RALGAPA1: variants seen among roughly 807,000 people sequenced by gnomAD.
The protein encoded by RALGAPA1 is ral GTPase-activating protein subunit alpha-1.
In RALGAPA1, 52 loss-of-function variants were observed where a neutral mutation model predicts 269.6. The ratio of observed to expected loss-of-function variants is 0.19; its 90% CI spans 0.15 to 0.24. The LOEUF (loss-of-function observed/expected upper bound fraction) is 0.24. Ranked by LOEUF, RALGAPA1 falls within the 10% of genes least tolerant of loss-of-function variation. The pLI is 1.00. For synonymous variants in RALGAPA1, 817 were observed against 1,008.3 expected (o/e 0.81, Z 3.60); for missense variants, 1,917 against 3,013.9 (o/e 0.64, Z 8.52).
intron 30 of RALGAPA1, among the ~76,000 whole-genome samples, chr14:35,653,765 A>C (rs2062997587): frequency 1.3e-5 from 2 of 152,188 alleles, no homozygotes; most frequent in South Asian, 4.1e-4. Flanking sequence ...AGAAAGAAAT[A>C]ATGAAGGAAT....
intron 31 of RALGAPA1, among the ~76,000 whole-genome samples, chr14:35,648,465 CAAAAAAA>C: frequency 8.2e-6 from 1 of 122,398 alleles, no homozygotes; most frequent in East Asian, 2.3e-4. Context: ...AACTCCATCT[CAAAAAAA>C]AAAAAAAGAA....
chr14:35,543,441 A>G (rs2054189581), intron 41 of RALGAPA1, among the ~76,000 whole-genome samples: 1 of 152,216 alleles, frequency 6.6e-6, no homozygotes, highest in Admixed American at 6.5e-5. Context: ...AAATGTGAAA[A>G]GCACAACATA....
chr14:35,754,556 T>C (rs911307462), intron 7 of RALGAPA1, among the ~76,000 whole-genome samples: 5 of 152,174 alleles, frequency 3.3e-5, no homozygotes, highest in African/African-American at 1.2e-4. Flanking sequence ...AAATTACAAA[T>C]TGACCGTACC....
intron 16 of RALGAPA1, among the ~76,000 whole-genome samples, chr14:35,710,334 TCA>T (rs2068203568): frequency 6.6e-6 from 1 of 152,226 alleles, no homozygotes; most frequent in Non-Finnish European, 1.5e-5. Flanking sequence ...CGATCTCAGC[TCA>T]CTGCAACCTC....
intron 1 of RALGAPA1, among the ~76,000 whole-genome samples, chr14:35,799,897 T>A (rs1309919985): frequency 6.6e-6 from 1 of 152,126 alleles, no homozygotes; most frequent in Non-Finnish European, 1.5e-5. Context: ...AAGATGGGAA[T>A]ATATATATAT....
At chr14:35,601,657 G>A (rs2059296417) in intron 36 of RALGAPA1, among the ~76,000 whole-genome samples, 1 of 151,994 alleles carries the variant, frequency 6.6e-6, no homozygotes, top group Non-Finnish European at 1.5e-5. Context: ...GGATATATGA[G>A]GCAAAAAAGA....
chr14:35,648,414 C>T (rs961860410), intron 31 of RALGAPA1, among the ~76,000 whole-genome samples: 1 of 149,242 alleles, frequency 6.7e-6, no homozygotes, highest in Non-Finnish European at 1.5e-5. Context: ...TGCAGTGAGC[C>T]GAGACTGCAC....
chr14:35,652,383 T>C (rs549551462), intron 30 of RALGAPA1, among the ~76,000 whole-genome samples: 89 of 148,792 alleles, frequency 6.0e-4, no homozygotes, highest in Middle Eastern at 3.4e-3. Context: ...TATATATATA[T>C]ACACACACAC....
At chr14:35,793,454 G>A (rs190565207) in intron 1 of RALGAPA1, among the ~76,000 whole-genome samples, 2 of 151,824 alleles carry the variant, frequency 1.3e-5, no homozygotes, top group Admixed American at 6.6e-5. Flanking sequence ...GGCTGGTCTC[G>A]AACTCCTGAC....
At position 35,689,136 on chromosome 14, in the gene RALGAPA1, A is replaced by AT; in HGVS notation, c.3274dup (p.Ile1092AsnfsTer19). Reference sequence around the variant, plus strand: ...GGCACGCATAACATGTGGGACAGTGATTTTTTCATTAATTTGCACACTCTT... The same window carrying AT: ...GGCACGCATAACATGTGGGACAGTGATTTTTTTCATTAATTTGCACACTCTT... On this transcript the variant is annotated frameshift_variant, in exon 18 of 42. Transcript: ENST00000680220. LOFTEE classifies it high-confidence loss of function. 8.1e-7 allele frequency: 1 copy of AT among 1,234,572 alleles called. No homozygotes were observed. The highest frequency in any genetic ancestry group is 1.0e-6 in the Non-Finnish European group (1 of 989,524). The allele number at this position is 1,234,572 out of a possible 1,614,324, so 76.5% of individuals were successfully genotyped here.
chr14:35,624,066 G>A (rs1406377614), intron 35 of RALGAPA1, among the ~76,000 whole-genome samples: 3 of 135,760 alleles, frequency 2.2e-5, no homozygotes, highest in Non-Finnish European at 3.0e-5. Flanking sequence ...CAGCCTGAGC[G>A]ACACAGCAAG....
intron 1 of RALGAPA1, among the ~76,000 whole-genome samples, chr14:35,802,655 G>A (rs993307421): frequency 6.2e-4 from 92 of 148,422 alleles, no homozygotes; most frequent in Non-Finnish European, 3.1e-4. Flanking sequence ...GTTTTTTGGT[G>A]GTGGTGGGTT....
intron 37 of RALGAPA1, among the ~76,000 whole-genome samples, chr14:35,594,234 C>G (rs1025864609): frequency 6.6e-6 from 1 of 152,036 alleles, no homozygotes; most frequent in Non-Finnish European, 1.5e-5. Context: ...GGACATCACA[C>G]CAAAAGCTCA....
intron 30 of RALGAPA1, 62 bp downstream of exon 30, chr14:35,654,305 C>A: frequency 1.4e-6 from 2 of 1,432,884 alleles, no homozygotes; most frequent in Admixed American, 2.8e-5. Flanking sequence ...TTTTACAATT[C>A]AAAGTATCCA....
At chr14:35,570,549 T>TA in intron 39 of RALGAPA1, 68 bp downstream of exon 39, 1 of 1,271,416 alleles carries the variant, frequency 7.9e-7, no homozygotes, top group Non-Finnish European at 1.1e-6. Flanking sequence ...TAACAATATA[T>TA]AAGAAATATT....
intron 26 of RALGAPA1, among the ~76,000 whole-genome samples, chr14:35,665,552 G>A (rs931814012): frequency 6.6e-6 from 1 of 152,098 alleles, no homozygotes; most frequent in African/African-American, 2.4e-5. Flanking sequence ...CAACCTCCAA[G>A]AGGATTTCCA....
At chr14:35,607,061 T>C (rs1021132653) in intron 35 of RALGAPA1, among the ~76,000 whole-genome samples, 3 of 152,148 alleles carry the variant, frequency 2.0e-5, no homozygotes, top group African/African-American at 7.2e-5. Context: ...CTACACAGCC[T>C]CTCTCCCAAG....
At chr14:35,585,586 G>A (rs1013034270) in intron 37 of RALGAPA1, among the ~76,000 whole-genome samples, 13 of 152,244 alleles carry the variant, frequency 8.5e-5, no homozygotes, top group South Asian at 4.1e-4. Context: ...AAGTTTCATC[G>A]TTTCAGAGTA....
intron 39 of RALGAPA1, among the ~76,000 whole-genome samples, chr14:35,561,226 CAAAAAA>C (rs71124706): frequency 2.7e-4 from 10 of 36,780 alleles, no homozygotes; most frequent in East Asian, 9.0e-4. Context: ...AACTCTGTCT[CAAAAAA>C]AAAAAAAAAA....
Sources: gnomAD v4.1 joint callset for allele counts (sites outside exome capture counted in the v4.1 genomes callset) on GRCh38, gnomAD v4.1.1 for gene constraint, MANE v1.5 for transcripts, NCBI Gene and HGNC (gene_info 2026-07-23, HGNC 2026-07-21) for gene names.